Variants in PTPRT observed in about 807,000 individuals in gnomAD.
PTPRT encodes protein tyrosine phosphatase receptor type T.
PTPRT carries 56 observed loss-of-function variants against 176.8 expected under a neutral mutation model. The observed-to-expected ratio is 0.32, with a 90% CI of 0.26 to 0.40. The LOEUF (loss-of-function observed/expected upper bound fraction) is 0.40. PTPRT is among the 10% of genes least tolerant of loss of function. The pLI, the probability that PTPRT is intolerant of heterozygous loss-of-function variation, is 1.00. For missense variants in PTPRT, 1,540 were observed against 1,908.2 expected, an observed-to-expected ratio of 0.81 and a Z score of 3.60; for synonymous variants, 783 against 739.0, an observed-to-expected ratio of 1.06 and a Z score of -0.96.
At chr20:42,881,262 C>G (rs895006482) in intron 2 of PTPRT, among the ~76,000 whole-genome samples, 6 of 152,164 alleles carry the variant, frequency 3.9e-5, no homozygotes, top group African/African-American at 1.4e-4. Context: ...CCTAGGGTCA[C>G]TCAGCTGTTG....
intron 16 of PTPRT, among the ~76,000 whole-genome samples, chr20:42,190,924 T>C (rs1230770389): frequency 2.6e-5 from 4 of 152,158 alleles, no homozygotes; most frequent in Admixed American, 2.6e-4. Context: ...CTTAGGCAAA[T>C]TCCTTACTAT....
At chr20:42,894,198 A>G (rs1232953900) in intron 1 of PTPRT, among the ~76,000 whole-genome samples, 1 of 152,170 alleles carries the variant, frequency 6.6e-6, no homozygotes, top group Non-Finnish European at 1.5e-5. Flanking sequence ...CAGGTGGAGA[A>G]GTCATTCAAG....
chr20:43,107,320 C>T (rs2012661186), intron 1 of PTPRT, among the ~76,000 whole-genome samples: 1 of 152,062 alleles, frequency 6.6e-6, no homozygotes, highest in Non-Finnish European at 1.5e-5. Context: ...TATTCACCAC[C>T]TTTAGAAAAG....
chr20:43,065,371 T>C (rs1462619757), intron 1 of PTPRT, among the ~76,000 whole-genome samples: 2 of 152,216 alleles, frequency 1.3e-5, no homozygotes, highest in African/African-American at 2.4e-5. Flanking sequence ...GTGGTATTTG[T>C]ACATAACTTT....
chr20:43,131,023 C>T (rs1249472509), intron 1 of PTPRT, among the ~76,000 whole-genome samples: 1 of 152,226 alleles, frequency 6.6e-6, no homozygotes, highest in African/African-American at 2.4e-5. Context: ...CCATGTGTCA[C>T]CAGTCTGCAC....
intron 1 of PTPRT, among the ~76,000 whole-genome samples, chr20:43,000,341 A>C (rs1984494337): frequency 6.6e-6 from 1 of 152,182 alleles, no homozygotes; most frequent in Non-Finnish European, 1.5e-5. Flanking sequence ...CTTCCATTCC[A>C]AAACGAGTTA....
intron 1 of PTPRT, among the ~76,000 whole-genome samples, chr20:42,920,811 G>T (rs1324669279): frequency 6.6e-6 from 1 of 152,182 alleles, no homozygotes; most frequent in Admixed American, 6.5e-5. Context: ...TCAGTGCAGA[G>T]AACTGGGTAA....
At chr20:42,317,448 G>A (rs537890043) in intron 11 of PTPRT, among the ~76,000 whole-genome samples, 1 of 152,266 alleles carries the variant, frequency 6.6e-6, no homozygotes, top group East Asian at 1.9e-4. Context: ...TGGGACTCAT[G>A]ATCTAAAACA....
intron 7 of PTPRT, among the ~76,000 whole-genome samples, chr20:42,639,215 G>A (rs1034648311): frequency 4.0e-5 from 6 of 151,758 alleles, no homozygotes; most frequent in African/African-American, 1.5e-4. Flanking sequence ...GCCTGACAGT[G>A]GCATTTACAT....
At chr20:42,198,585 T>C (rs777204080) in intron 16 of PTPRT, among the ~76,000 whole-genome samples, 1 of 152,030 alleles carries the variant, frequency 6.6e-6, no homozygotes, top group Non-Finnish European at 1.5e-5. Context: ...AGTCTTGGAG[T>C]TCTTCTTAGG....
At chr20:42,100,151 C>T (rs975762232) in intron 26 of PTPRT, among the ~76,000 whole-genome samples, 6 of 152,210 alleles carry the variant, frequency 3.9e-5, no homozygotes, top group Admixed American at 3.9e-4. Context: ...CGACATGGTG[C>T]CCAACACTCA....
At chr20:42,434,261 A>G (rs2059241683) in intron 9 of PTPRT, among the ~76,000 whole-genome samples, 1 of 152,210 alleles carries the variant, frequency 6.6e-6, no homozygotes, top group Admixed American at 6.5e-5. Flanking sequence ...AAGCCATCAT[A>G]GCGATGTCGA....
chr20:42,327,080 G>GGT (rs139401290), intron 11 of PTPRT, among the ~76,000 whole-genome samples: 8,971 of 146,332 alleles, frequency 0.061, 477 homozygotes, highest in African/African-American at 0.15. Flanking sequence ...ACTAGGTAGG[G>GGT]GTGTGTGTGT....
chr20:42,358,216 CTT>C (rs796348212), intron 9 of PTPRT, among the ~76,000 whole-genome samples: 3 of 143,814 alleles, frequency 2.1e-5, no homozygotes, highest in Non-Finnish European at 3.1e-5. Context: ...AAAACTCTCT[CTT>C]TTTTTTTTTT....
chr20:42,282,558 T>G, intron 12 of PTPRT, 33 bp from the exon 13 acceptor site: 2 of 1,565,416 alleles, frequency 1.3e-6, no homozygotes, highest in Middle Eastern at 1.7e-4. Context: ...GCCAATTAAT[T>G]AGCTGTGAGT....
intron 1 of PTPRT, among the ~76,000 whole-genome samples, chr20:42,958,760 C>A (rs1981819629): frequency 6.6e-6 from 1 of 152,084 alleles, no homozygotes; most frequent in Non-Finnish European, 1.5e-5. Context: ...TAGACACAAA[C>A]CCCAGCACAC....
intron 16 of PTPRT, among the ~76,000 whole-genome samples, chr20:42,180,492 C>T (rs1485063099): frequency 6.6e-6 from 1 of 152,196 alleles, no homozygotes; most frequent in African/African-American, 2.4e-5. Context: ...ATATAATGTA[C>T]TTATCTTTTG....
intron 1 of PTPRT, among the ~76,000 whole-genome samples, chr20:43,045,336 A>T (rs3092117): frequency 0.29 from 44,628 of 151,836 alleles, 8,577 homozygotes; most frequent in African/African-American, 0.54. Flanking sequence ...CGGATCAGAT[A>T]CAATAACCCA....
At chr20:42,906,071 A>G (rs2145924805) in intron 1 of PTPRT, among the ~76,000 whole-genome samples, 1 of 152,320 alleles carries the variant, frequency 6.6e-6, no homozygotes, top group Non-Finnish European at 1.5e-5. Flanking sequence ...TAAAAAAAAG[A>G]ACCAAAACAA....
Sources: allele counts gnomAD v4.1 joint callset (sites outside exome capture counted in the v4.1 genomes callset), GRCh38; gene constraint gnomAD v4.1.1; transcripts MANE v1.5; gene names NCBI Gene and HGNC (gene_info 2026-07-23, HGNC 2026-07-21).